The following UTRN variants were observed in gnomAD, a reference collection of about 807,000 sequenced individuals.
UTRN encodes dystrophin-related protein 1.
Under a neutral mutation model 463.9 loss-of-function variants are expected in UTRN, and 283 were observed. That is an observed-to-expected ratio of 0.61 (90% CI 0.55 to 0.67). The LOEUF (loss-of-function observed/expected upper bound fraction) is 0.67, where lower values mean the gene tolerates loss of function less well. Ranked by LOEUF, UTRN falls within the 30% of genes least tolerant of loss-of-function variation. The pLI, the probability that UTRN is intolerant of heterozygous loss-of-function variation, is 0.00. For synonymous variants in UTRN, 1,442 were observed against 1,431.5 expected (o/e 1.01, Z -0.17); for missense variants, 3,922 against 4,084.3 (o/e 0.96, Z 1.08).
At chr6:144,720,242 G>A (rs1586203113) in intron 53 of UTRN, among the ~76,000 whole-genome samples, 1 of 152,200 alleles carries the variant, frequency 6.6e-6, no homozygotes, top group South Asian at 2.1e-4. Context: ...CCTAAGCCAC[G>A]CCAATCACTT....
At chr6:144,321,952 T>TG (rs1201748829) in intron 2 of UTRN, among the ~76,000 whole-genome samples, 12 of 151,478 alleles carry the variant, frequency 7.9e-5, no homozygotes, top group Admixed American at 7.2e-4. Context: ...TTAGTAGAGA[T>TG]GGGGTTTTAC....
chr6:144,627,364 T>C (rs1390402736), intron 51 of UTRN, among the ~76,000 whole-genome samples: 2 of 152,196 alleles, frequency 1.3e-5, no homozygotes, highest in Non-Finnish European at 2.9e-5. Flanking sequence ...ATAAGAGGCG[T>C]TTTTAATAAT....
rs762533000 is a variant in UTRN at position 144,748,511 on chromosome 6, C to G, written c.8205C>G (p.Ile2735Met). Residue 2735 changes from isoleucine (I) to methionine (M), a missense_variant, in exon 55 of 75, where the codon ATC (isoleucine) becomes ATG (methionine). By Grantham distance (10) the Ile-to-Met change is conservative (BLOSUM62 1). Around this residue, in one of 3 missense-constraint regions of UTRN, gnomAD observed 1,309 missense variants for 1,452.6 expected, o/e 0.90. Transcript: ENST00000367545. ...IDSLQDHIEK[I>M]MAFREEIAPI... ...CGCTGCAGGATCACATTGAAAAAAT[C>G]ATGGTCAGCATCATTGTCTTTGAAG... is the stretch of plus-strand genomic sequence containing the variant. The G allele has an allele frequency of 2.0e-5, 32 of 1,611,210 alleles. No individual in the cohort carries two copies. Among genetic ancestry groups the G allele is most frequent in the Non-Finnish European group, 2.7e-5 (32 of 1,179,110 alleles).
intron 2 of UTRN, among the ~76,000 whole-genome samples, chr6:144,349,220 G>A (rs1562278589): frequency 6.6e-6 from 1 of 152,202 alleles, no homozygotes; most frequent in Non-Finnish European, 1.5e-5. Context: ...GTGTTAGCCA[G>A]GATGGTCTGG....
At chr6:144,508,334 A>G (rs767819644) in intron 34 of UTRN, among the ~76,000 whole-genome samples, 11 of 152,196 alleles carry the variant, frequency 7.2e-5, no homozygotes, top group South Asian at 4.2e-4. Context: ...TGTCTCCCCA[A>G]TCGGCTGCCC....
chr6:144,782,277 C>T (rs1775899335), intron 61 of UTRN, among the ~76,000 whole-genome samples, 154 bp downstream of exon 61: 1 of 152,126 alleles, frequency 6.6e-6, no homozygotes, highest in South Asian at 2.1e-4. Flanking sequence ...AATGATTTTA[C>T]AAATCATTGA....
chr6:144,750,538 C>T (rs1286280660), intron 55 of UTRN, among the ~76,000 whole-genome samples: 3 of 152,120 alleles, frequency 2.0e-5, no homozygotes, highest in African/African-American at 7.2e-5. Context: ...TAAAGAGCCT[C>T]CCCACTTAAA....
In UTRN at chr6:144,358,828, A is replaced by G. The variant is rs146112594; in HGVS notation, c.80-44295A>G. On this transcript the variant is annotated intron_variant, in intron 2 of 74. Transcript: ENST00000367545. ...AAAATTAGAAAAGAAAGAAGCATCC[A>G]TTTCTATTTCTACCATATTAATACA... 6.4e-4 allele frequency among the ~76,000 whole-genome samples: 98 copies of G among 152,268 alleles called. 2 individuals carry two copies. The East Asian group carries it at 0.018, about 28-fold the overall frequency.
chr6:144,590,068 G>A (rs532582605), intron 51 of UTRN, among the ~76,000 whole-genome samples: 3 of 151,832 alleles, frequency 2.0e-5, no homozygotes, highest in East Asian at 1.9e-4. Flanking sequence ...ACTATGTTGC[G>A]CCGGCTGGTC....
intron 3 of UTRN, among the ~76,000 whole-genome samples, chr6:144,404,167 TG>T (rs1307486629): frequency 1.3e-5 from 2 of 152,198 alleles, no homozygotes; most frequent in African/African-American, 4.8e-5. Flanking sequence ...TTTTGGGCTT[TG>T]CGAGTTTATC....
At position 144,428,780 on chromosome 6, in the gene UTRN, C is replaced by T; in HGVS notation, c.581C>T (p.Pro194Leu). 1 of 1,587,098 alleles carries T rather than the reference C, an allele frequency of 6.3e-7. No individual in the cohort carries two copies. Among genetic ancestry groups the T allele is most frequent in the Non-Finnish European group, 8.6e-7 (1 of 1,164,992 alleles). The change falls in exon 8 of 75, where the codon CCT becomes CTT. Residue 194 changes from proline (P) to leucine (L), a missense_variant and splice_region_variant. Pro to Leu is a moderately conservative substitution (Grantham distance 98, BLOSUM62 -3). This residue lies in a region of UTRN where 264 missense variants were observed against 327.9 expected (regional missense o/e 0.81). Coordinates refer to ENST00000367545, the MANE Select transcript of UTRN (RefSeq NM_007124.3). ...AFNAVLHRHK[P>L]DLFSWDKVVK... ...CATTTTATTTGCATGGTTTTCAGAC[C>T]TGATCTCTTCAGCTGGGATAAAGTT...
At chr6:144,593,024 C>A (rs1803266477) in intron 51 of UTRN, among the ~76,000 whole-genome samples, 1 of 152,122 alleles carries the variant, frequency 6.6e-6, no homozygotes, top group Non-Finnish European at 1.5e-5. Context: ...GCAGTAAAAT[C>A]TGAATTTAAA....
At chr6:144,832,221 T>G (rs1355893543) in intron 69 of UTRN, among the ~76,000 whole-genome samples, 1 of 152,270 alleles carries the variant, frequency 6.6e-6, no homozygotes, top group Non-Finnish European at 1.5e-5. Flanking sequence ...AATGTATCTA[T>G]TTTTATATTC....
intron 52 of UTRN, among the ~76,000 whole-genome samples, chr6:144,687,604 T>C (rs1782897488): frequency 6.6e-6 from 1 of 152,186 alleles, no homozygotes; most frequent in Non-Finnish European, 1.5e-5. Context: ...TTTTGCTGAA[T>C]ACAAAATTCT....
intron 17 of UTRN, among the ~76,000 whole-genome samples, chr6:144,449,001 T>C (rs1259355619): frequency 6.6e-6 from 1 of 152,218 alleles, no homozygotes; most frequent in African/African-American, 2.4e-5. Flanking sequence ...CTGTGTTCAA[T>C]TGGGAGAACT....
At chr6:144,386,329 G>T (rs965962913) in intron 2 of UTRN, among the ~76,000 whole-genome samples, 7 of 152,036 alleles carry the variant, frequency 4.6e-5, no homozygotes, top group Admixed American at 3.3e-4. Context: ...CAGGCATGTT[G>T]GCACATGCCC....
At chr6:144,645,505 A>G (rs1408710128) in intron 51 of UTRN, among the ~76,000 whole-genome samples, 1 of 152,230 alleles carries the variant, frequency 6.6e-6, no homozygotes, top group East Asian at 1.9e-4. Flanking sequence ...TAATGGAAAT[A>G]GGATTCACGT....
At chr6:144,627,166 G>T (rs1776031767) in intron 51 of UTRN, among the ~76,000 whole-genome samples, 1 of 150,504 alleles carries the variant, frequency 6.6e-6, no homozygotes, top group South Asian at 2.1e-4. Context: ...GGATAGGAGG[G>T]TGGGGTGGGG....
Position 144,820,904 on chromosome 6 carries a change from G to A in UTRN, c.9380G>A (p.Arg3127Gln). The stretch of plus-strand genomic sequence containing the variant: ...TAGACAACATCTGGGGAAGATGTAC[G>A]AGACTTCACAAAGGTACTTAAGAAC... ...CIPTTSGEDVRDFTKVLKNKF... is the reference protein window; with the variant it reads ...CIPTTSGEDVQDFTKVLKNKF... The change falls in exon 66 of 75, where the codon CGA becomes CAA. Residue 3127 changes from arginine (R) to glutamine (Q), a missense_variant. Physicochemically the swap from Arg to Gln is conservative, Grantham distance 43. This residue lies in a region of UTRN where 1,309 missense variants were observed against 1,452.6 expected (regional missense o/e 0.90). Coordinates refer to ENST00000367545, the MANE Select transcript of UTRN (RefSeq NM_007124.3). 1.2e-6 allele frequency: 2 copies of A among 1,613,658 alleles called. No individual in the cohort carries two copies. The highest frequency in any genetic ancestry group is 8.5e-7 in the Non-Finnish European group (1 of 1,179,766).
Sources: allele counts gnomAD v4.1 joint callset (sites outside exome capture counted in the v4.1 genomes callset), GRCh38; gene constraint gnomAD v4.1.1; regional missense constraint gnomAD v4.1.1; transcripts MANE v1.5; gene names NCBI Gene and HGNC (gene_info 2026-07-23, HGNC 2026-07-21).